The following MYOM3 variants were observed in gnomAD, a reference collection of about 807,000 sequenced individuals.
The protein encoded by MYOM3 is myomesin 3.
In MYOM3, 155 loss-of-function variants were observed where a neutral mutation model predicts 191.7. The observed-to-expected ratio is 0.81, with a 90% CI of 0.71 to 0.92. MYOM3 has a LOEUF of 0.92. Among genes scored for constraint, MYOM3 ranks in the 40% least tolerant of loss-of-function variants. MYOM3 has a pLI of 0.00. For synonymous variants in MYOM3, 757 were observed against 762.9 expected, an observed-to-expected ratio of 0.99 and a Z score of 0.13; for missense variants, 1,889 against 1,890.6, an observed-to-expected ratio of 1.00 and a Z score of 0.02.
Position 24,064,152 on chromosome 1 carries a change from T to C in MYOM3, c.3542A>G (p.Lys1181Arg), listed in dbSNP as rs1258359927. The change falls in exon 30 of 37, where the codon AAA becomes AGA. Residue 1181 changes from lysine to arginine, a missense_variant. Lys to Arg is a conservative substitution (Grantham distance 26). Coordinates refer to ENST00000374434, the MANE Select transcript of MYOM3 (RefSeq NM_152372.4). ...CGCTCTGTAAATTCCCTTGTCCTTT[T>C]TGGACAACTGGAAAGAAGGATGAGC... Reference protein sequence around the residue: ...TGLLCIEELSKKDKGIYRAMV... With the variant: ...TGLLCIEELSRKDKGIYRAMV... 3.1e-6 allele frequency: 5 copies of C among 1,613,246 alleles called. No individual in the cohort carries two copies. The Admixed American group carries it at 5.0e-5, about 16-fold the overall frequency.
intron 20 of MYOM3, among the ~76,000 whole-genome samples, chr1:24,077,042 G>A (rs990099088): frequency 7.1e-6 from 1 of 140,994 alleles, no homozygotes; most frequent in East Asian, 2.1e-4. Flanking sequence ...GGCTAATCTC[G>A]AACTCCTGAC....
intron 20 of MYOM3, among the ~76,000 whole-genome samples, chr1:24,077,082 G>A (rs1405930612): frequency 6.6e-6 from 1 of 152,044 alleles, no homozygotes; most frequent in Non-Finnish European, 1.5e-5. Flanking sequence ...CTTGGCCGCC[G>A]AAAGTGCTGT....
In MYOM3 at chr1:24,093,102, A is replaced by C. The variant is rs1344206983; in HGVS notation, c.935T>G (p.Leu312Arg). ...CTTCCGACGTCTCGAGGACCTCAGT[A>C]GGCTCCCTGTGGAGGGGAAGTGGGG... ...ESIQWFRDGS[L>R]LRSSRRRKIL... Residue 312 changes from leucine (L) to arginine (R), a missense_variant, in exon 10 of 37, where the codon CTA becomes CGA. By Grantham distance (102) the Leu-to-Arg change is moderately radical (BLOSUM62 -2). Coordinates refer to ENST00000374434, the MANE Select transcript of MYOM3 (RefSeq NM_152372.4). The C allele has an allele frequency of 1.2e-6, 2 of 1,607,258 alleles. No individual in the cohort carries two copies. The highest frequency in any genetic ancestry group is 1.7e-5 in the Admixed American group (1 of 59,720).
intron 36 of MYOM3, among the ~76,000 whole-genome samples, chr1:24,058,100 C>G (rs1423258943): frequency 6.6e-6 from 1 of 152,200 alleles, no homozygotes; most frequent in African/African-American, 2.4e-5. Context: ...AGCCACTGTG[C>G]CCGGGCATTC....
rs931158301 is a variant in MYOM3, at chr1:24,059,726, G to A, written c.3995-747C>T. Among the ~76,000 whole-genome samples, 4 of 152,326 alleles carry A rather than the reference G, an allele frequency of 2.6e-5. No individual in the cohort carries two copies. In the East Asian group the frequency reaches 7.7e-4, roughly 29 times the overall value. ...GAAGCTTTTGGGACACTTTGAACCT[G>A]GTCAAGCGAGGGACCTGGTGGCCAT... On this transcript the variant is annotated intron_variant, in intron 35 of 36. Coordinates refer to ENST00000374434, the MANE Select transcript of MYOM3 (RefSeq NM_152372.4).
At chr1:24,094,149 C>T (rs1643866174) in intron 9 of MYOM3, among the ~76,000 whole-genome samples, 1 of 149,482 alleles carries the variant, frequency 6.7e-6, no homozygotes, top group African/African-American at 2.5e-5. Context: ...GTTCCCATTG[C>T]TTTGAGTGCC....
intron 3 of MYOM3, among the ~76,000 whole-genome samples, chr1:24,107,532 G>A (rs547539135): frequency 1.4e-4 from 21 of 152,208 alleles, no homozygotes; most frequent in Non-Finnish European, 2.6e-4. Flanking sequence ...CAGGGACTGA[G>A]GCTTAGCAAC....
At chr1:24,097,737 A>ACTAT (rs1643886052) in intron 7 of MYOM3, among the ~76,000 whole-genome samples, 186 bp downstream of exon 7, 1 of 152,164 alleles carries the variant, frequency 6.6e-6, no homozygotes, top group South Asian at 2.1e-4. Context: ...GATGGAGGAG[A>ACTAT]CTATCGCTTG....
At position 24,082,707 on chromosome 1, in the gene MYOM3, C is replaced by T; in HGVS notation, c.1978G>A (p.Val660Ile). ...NKPIQGTRFT[V>I]PGLRTGKEYE... Reference sequence around the variant, plus strand: ...TCCTTCCCCGTCCTCAGCCCGGGAACTGTAAACCTGGGAGAGAAATGTGCA... The same window carrying T: ...TCCTTCCCCGTCCTCAGCCCGGGAATTGTAAACCTGGGAGAGAAATGTGCA... Residue 660 changes from valine to isoleucine, a missense_variant, in exon 17 of 37, where the codon GTT becomes ATT. Coordinates refer to ENST00000374434, the MANE Select transcript of MYOM3 (RefSeq NM_152372.4). The T allele has an allele frequency of 6.2e-7, 1 of 1,602,638 alleles. No individual in the cohort carries two copies. The highest frequency in any genetic ancestry group is 8.5e-7 in the Non-Finnish European group (1 of 1,175,814).
chr1:24,059,244 C>T (rs1027149101), intron 35 of MYOM3, among the ~76,000 whole-genome samples: 1 of 152,236 alleles, frequency 6.6e-6, no homozygotes, highest in Non-Finnish European at 1.5e-5. Context: ...AGCAATCCTC[C>T]CCCGCTCAGC....
rs1177924262 is a variant in MYOM3, at chr1:24,099,695, G to C, written c.641C>G (p.Ser214Cys). ...CCAGTCTCACCTCCTAATCTCCAGGGACAGCAGCCCGTAGTTGTTGGTGAT... is the reference window on the plus strand; with the variant it reads ...CCAGTCTCACCTCCTAATCTCCAGGCACAGCAGCCCGTAGTTGTTGGTGAT... ...YRITNNYGLL[S>C]LEIRRCAIED... The change falls in exon 6 of 37, where the codon TCC becomes TGC. Residue 214 changes from serine (S) to cysteine (C), a missense_variant. Transcript: ENST00000374434. The C allele has an allele frequency of 1.5e-5, 25 of 1,613,674 alleles. No individual in the cohort carries two copies. Among genetic ancestry groups the C allele is most frequent in the Non-Finnish European group, 1.9e-5 (23 of 1,179,786 alleles).
intron 35 of MYOM3, 97 bp from the exon 36 acceptor site, chr1:24,059,076 CT>C (rs1251586288): frequency 1.1e-5 from 8 of 744,246 alleles, no homozygotes; most frequent in East Asian, 2.7e-5. Flanking sequence ...AGCAAGGCTT[CT>C]TTTTTTTCCT....
intron 5 of MYOM3, among the ~76,000 whole-genome samples, chr1:24,101,857 G>T (rs1229065983): frequency 6.6e-6 from 1 of 152,210 alleles, no homozygotes; most frequent in Non-Finnish European, 1.5e-5. Flanking sequence ...CTTGGGTCTT[G>T]TTCCCCGTGT....
chr1:24,088,828 G>C (rs1643777830), intron 14 of MYOM3, among the ~76,000 whole-genome samples: 1 of 152,214 alleles, frequency 6.6e-6, no homozygotes, highest in Non-Finnish European at 1.5e-5. Context: ...AGATCCCAGG[G>C]GTTGCTGGCT....
chr1:24,107,226 G>C lies in MYOM3; in HGVS notation c.249C>G (p.Ala83=). Residue 83 remains alanine, a synonymous_variant, in exon 4 of 37, where the codon GCC becomes GCG. Transcript: ENST00000374434. ...CGGCAGAGGTCTGGCGTCTCAGCTG[G>C]GCTTCCCTGCCGTGACAGAGGCCAT... ...LTASSELSWE[A]QLRRQTSAVE... 1 of 1,595,168 alleles carries C rather than the reference G, an allele frequency of 6.3e-7. No homozygotes were observed.
chr1:24,064,257 T>G, intron 29 of MYOM3, 98 bp from the exon 30 acceptor site: 2 of 867,160 alleles, frequency 2.3e-6, no homozygotes, highest in African/African-American at 1.7e-5. Context: ...TGCCCCTCAC[T>G]CTCTGTGTGA....
chr1:24,108,159 C>T, intron 2 of MYOM3, 86 bp from the exon 3 acceptor site: 3 of 1,274,350 alleles, frequency 2.4e-6, no homozygotes, highest in Non-Finnish European at 3.3e-6. Flanking sequence ...CCCACCTCAG[C>T]CTCAGGGCAC....
rs961635406 is a variant in MYOM3, at chr1:24,112,087, G to A, written c.-75C>T. On this transcript the variant is annotated 5_prime_UTR_variant, in exon 1 of 37. Transcript: ENST00000374434. ...GGAGAAGATTCCTGAGGCCGAGAGG[G>A]TCCTTGTTCTCTTCTTGCCCTCGGC... is the stretch of plus-strand genomic sequence containing the variant. 6.6e-6 allele frequency: 1 copy of A among 152,218 alleles called. No homozygotes were observed. Among genetic ancestry groups the A allele is most frequent in the Admixed American group, 6.5e-5 (1 of 15,284 alleles). The allele number at this position is 152,218 out of a possible 1,614,324, so 9.4% of individuals were successfully genotyped here.
At chr1:24,067,384 CTT>C (rs1451084397) in intron 27 of MYOM3, among the ~76,000 whole-genome samples, 1,151 of 78,214 alleles carry the variant, frequency 0.015, 45 homozygotes, top group Middle Eastern at 0.025. Flanking sequence ...TTCTTTCTTT[CTT>C]TTTCCTTCCT....
Sources: allele counts gnomAD v4.1 joint callset (sites outside exome capture counted in the v4.1 genomes callset), GRCh38; gene constraint gnomAD v4.1.1; transcripts MANE v1.5; gene names NCBI Gene and HGNC (gene_info 2026-07-23, HGNC 2026-07-21).